The following RPS6KA2 variants were observed in gnomAD, a reference collection of about 807,000 sequenced individuals.
The protein encoded by RPS6KA2 is ribosomal protein S6 kinase A2, also known as ribosomal protein S6 kinase alpha-2.
RPS6KA2 carries 42 observed loss-of-function variants against 91.8 expected under a neutral mutation model. The observed-to-expected ratio is 0.46, with a 90% CI of 0.36 to 0.59. The LOEUF (loss-of-function observed/expected upper bound fraction) is 0.59. RPS6KA2 is among the 20% of genes least tolerant of loss of function. The pLI is 0.00. For synonymous variants in RPS6KA2, 414 were observed against 393.6 expected, an observed-to-expected ratio of 1.05 and a Z score of -0.61; for missense variants, 798 against 978.5, an observed-to-expected ratio of 0.82 and a Z score of 2.46.
intron 2 of RPS6KA2, among the ~76,000 whole-genome samples, chr6:166,651,896 G>T (rs754873332): frequency 1.3e-5 from 2 of 152,240 alleles, no homozygotes; most frequent in Non-Finnish European, 2.9e-5. Context: ...CACGCACTGT[G>T]GACGCACACT....
chr6:166,697,103 G>A (rs1789382381), intron 2 of RPS6KA2, among the ~76,000 whole-genome samples: 1 of 152,052 alleles, frequency 6.6e-6, no homozygotes, highest in Non-Finnish European at 1.5e-5. Context: ...GTATATGTGT[G>A]TGTGTATGGA....
intron 2 of RPS6KA2, among the ~76,000 whole-genome samples, chr6:166,687,337 G>A (rs146510234): frequency 6.2e-4 from 94 of 152,302 alleles, no homozygotes; most frequent in African/African-American, 3.6e-4. Flanking sequence ...CACTGGACAC[G>A]CACATGCCTT....
At chr6:166,481,598 A>G (rs1781217215) in intron 10 of RPS6KA2, among the ~76,000 whole-genome samples, 1 of 152,042 alleles carries the variant, frequency 6.6e-6, no homozygotes, top group Non-Finnish European at 1.5e-5. Context: ...ATCTTAAAGT[A>G]TGTGCTGCAG....
intron 3 of RPS6KA2, among the ~76,000 whole-genome samples, chr6:166,517,737 A>G (rs1189104104): frequency 4.6e-5 from 7 of 150,924 alleles, no homozygotes; most frequent in Non-Finnish European, 7.4e-5. Flanking sequence ...GGCCTCCCAA[A>G]GTGCTGGGAT....
intron 1 of RPS6KA2, among the ~76,000 whole-genome samples, chr6:166,583,136 A>G (rs1301687916): frequency 6.6e-6 from 1 of 152,246 alleles, no homozygotes; most frequent in Non-Finnish European, 1.5e-5. Context: ...TCGCATTCGC[A>G]TACTTTTCAA....
At chr6:166,839,352 G>C (rs1780400422) in intron 2 of RPS6KA2, among the ~76,000 whole-genome samples, 1 of 152,018 alleles carries the variant, frequency 6.6e-6, no homozygotes, top group African/African-American at 2.4e-5. Flanking sequence ...AAAAACCAGA[G>C]GACTTGTCAT....
chr6:166,705,437 T>C (rs1334220140), intron 2 of RPS6KA2, among the ~76,000 whole-genome samples: 3 of 152,148 alleles, frequency 2.0e-5, no homozygotes, highest in Admixed American at 2.0e-4. Context: ...CACAAACCCT[T>C]AGGGAACTAG....
intron 1 of RPS6KA2, among the ~76,000 whole-genome samples, chr6:166,568,111 A>G (rs1408053986): frequency 6.6e-6 from 1 of 152,186 alleles, no homozygotes; most frequent in Non-Finnish European, 1.5e-5. Flanking sequence ...GGGACACTGG[A>G]TGCCCACCAC....
At chr6:166,687,851 T>C (rs1465615731) in intron 2 of RPS6KA2, among the ~76,000 whole-genome samples, 1 of 152,224 alleles carries the variant, frequency 6.6e-6, no homozygotes, top group Non-Finnish European at 1.5e-5. Flanking sequence ...TCTTGGGTTA[T>C]GTGTGGTCCA....
At position 166,701,818 on chromosome 6, in the gene RPS6KA2, G is replaced by A. The variant is rs57100456; in HGVS notation, c.123+156382C>T. On this transcript the variant is annotated intron_variant, in intron 2 of 21. Coordinates refer to the RPS6KA2 transcript ENST00000503859. ...TCTTCATGATCTCTTCCTCAGCTTTGGCACATGTCTCAACATTGCCTTTAG... is the reference window on the plus strand; with the variant it reads ...TCTTCATGATCTCTTCCTCAGCTTTAGCACATGTCTCAACATTGCCTTTAG... 1.8e-3 allele frequency: 1,667 copies of A among 914,598 alleles called. 11 individuals are homozygous for A. The African/African-American group carries it at 0.021, about 11-fold the overall frequency. 56.7% of individuals were successfully genotyped at this position (914,598 alleles called of 1,614,324 possible).
chr6:166,857,488 C>T (rs1388900408), intron 2 of RPS6KA2, among the ~76,000 whole-genome samples: 1 of 152,216 alleles, frequency 6.6e-6, no homozygotes, highest in Non-Finnish European at 1.5e-5. Flanking sequence ...ATACACTTAT[C>T]GTTACCAAAA....
At chr6:166,534,691 G>A (rs149252202) in intron 2 of RPS6KA2, among the ~76,000 whole-genome samples, 1 of 152,334 alleles carries the variant, frequency 6.6e-6, no homozygotes, top group Non-Finnish European at 1.5e-5. Flanking sequence ...TGAGATGACT[G>A]ATGGTCGTGG....
chr6:166,475,513 T>G (rs1208052303), intron 10 of RPS6KA2, among the ~76,000 whole-genome samples: 2 of 152,114 alleles, frequency 1.3e-5, no homozygotes, highest in East Asian at 3.9e-4. Flanking sequence ...CCGTCCAGCA[T>G]CTGGGACATC....
At position 166,821,850 on chromosome 6, in the gene RPS6KA2, G is replaced by T. The variant is rs1429393422; in HGVS notation, c.123+36350C>A. Among the ~76,000 whole-genome samples the T allele has an allele frequency of 6.6e-6, 1 of 152,058 alleles. No homozygotes were observed. The highest frequency in any genetic ancestry group is 1.5e-5 in the Non-Finnish European group (1 of 68,016). On this transcript the variant is annotated intron_variant, in intron 2 of 21. Transcript: ENST00000503859. The surrounding 1 kb of genome is among the most constrained non-coding windows in gnomAD (Gnocchi z 4.1). ...TACTGAAGTTAACGTTGTTGTGTTG[G>T]ATTCCCCACTCAGACACGCTCTTCT...
chr6:166,746,006 G>A (rs369978320), intron 2 of RPS6KA2, among the ~76,000 whole-genome samples: 19 of 152,312 alleles, frequency 1.2e-4, no homozygotes, highest in East Asian at 9.6e-4. Context: ...CTGAGCCAGC[G>A]GTGCTGCTGT....
intron 11 of RPS6KA2, among the ~76,000 whole-genome samples, chr6:166,465,979 A>G (rs1780506984): frequency 6.6e-6 from 1 of 152,238 alleles, no homozygotes; most frequent in African/African-American, 2.4e-5. Flanking sequence ...AGAGCCTGCC[A>G]TTCCTCTAGC....
intron 5 of RPS6KA2, among the ~76,000 whole-genome samples, chr6:166,507,392 A>ACACC (rs1166599301): frequency 3.9e-4 from 57 of 145,358 alleles, no homozygotes; most frequent in East Asian, 8.2e-4. Flanking sequence ...ACACACACCC[A>ACACC]CCCCACATCA....
chr6:166,748,054 C>T (rs531196052), intron 2 of RPS6KA2, among the ~76,000 whole-genome samples: 37 of 152,220 alleles, frequency 2.4e-4, no homozygotes, highest in Middle Eastern at 3.4e-3. Context: ...TCATTTGTCC[C>T]GAGGGCAAAT....
intron 2 of RPS6KA2, among the ~76,000 whole-genome samples, chr6:166,706,192 C>T (rs751768538): frequency 3.3e-5 from 5 of 152,188 alleles, no homozygotes; most frequent in Admixed American, 2.0e-4. Flanking sequence ...TAACCAATTA[C>T]AGTTTTTATT....
Sources: allele counts gnomAD v4.1 joint callset (sites outside exome capture counted in the v4.1 genomes callset), GRCh38; gene constraint gnomAD v4.1.1; non-coding constraint Gnocchi (gnomAD v3.1); transcripts MANE v1.5; gene names NCBI Gene and HGNC (gene_info 2026-07-23, HGNC 2026-07-21).